PRIM2: variants seen among roughly 807,000 people sequenced by gnomAD.
PRIM2 encodes DNA primase subunit 2.
PRIM2 carries 39 observed loss-of-function variants against 67.3 expected under a neutral mutation model. The ratio of observed to expected loss-of-function variants is 0.58; its 90% confidence interval spans 0.45 to 0.76. The LOEUF (loss-of-function observed/expected upper bound fraction) is 0.76. Among genes scored for constraint, PRIM2 ranks in the 30% least tolerant of loss-of-function variants. The pLI, the probability that PRIM2 is intolerant of heterozygous loss-of-function variation, is 0.00. For synonymous variants in PRIM2, 143 were observed against 198.7 expected, an observed-to-expected ratio of 0.72 and a Z score of 2.36; for missense variants, 398 against 598.7, an observed-to-expected ratio of 0.66 and a Z score of 3.50.
At chr6:57,511,195 G>A (rs1774359181) in intron 8 of PRIM2, among the ~76,000 whole-genome samples, 1 of 151,770 alleles carries the variant, frequency 6.6e-6, no homozygotes, top group Non-Finnish European at 1.5e-5. Flanking sequence ...CTAGAATATC[G>A]CTTAACAATA....
At chr6:57,292,532 T>C in the PRIM2 span, among the ~76,000 whole-genome samples, 1 of 152,198 alleles carries the variant, frequency 6.6e-6, no homozygotes, top group Admixed American at 6.5e-5. Context: ...AGAGCCCACA[T>C]AGCCAAGACA....
intron 7 of PRIM2, among the ~76,000 whole-genome samples, chr6:57,398,927 T>G (rs1770614674): frequency 6.6e-6 from 1 of 152,156 alleles, no homozygotes. Flanking sequence ...TTTTATCTTT[T>G]GTTTTGTTTG....
intron 12 of PRIM2, among the ~76,000 whole-genome samples, chr6:57,615,809 G>A (rs1325467706): frequency 2.6e-5 from 4 of 152,126 alleles, no homozygotes; most frequent in Non-Finnish European, 5.9e-5. Context: ...CAGGAAGCTC[G>A]CTTGAGCCTA....
At position 57,345,505 on chromosome 6, in the gene PRIM2, T is replaced by C. The variant is rs2024225; in HGVS notation, c.459+19460T>C. 2.1e-3 allele frequency among the ~76,000 whole-genome samples: 170 copies of C among 80,126 alleles called. 2 individuals carry two copies. The highest frequency in any genetic ancestry group is 8.1e-3 in the African/African-American group (136 of 16,868). 52.6% of individuals were successfully genotyped at this position (80,126 alleles called of 152,430 possible). A position where few individuals can be genotyped will look rare whatever the true frequency, so the allele number is the denominator to read the frequency against. On this transcript the variant is annotated intron_variant, in intron 5 of 13. Coordinates refer to ENST00000615550, the MANE Select transcript of PRIM2 (RefSeq NM_000947.5). The stretch of plus-strand genomic sequence containing the variant: ...GTGTGTGTGTGTGTGTGTGTGTGTG[T>C]GTACATACATATATATTTATATCCT...
At chr6:57,290,021 G>A in the PRIM2 span, among the ~76,000 whole-genome samples, 2 of 151,448 alleles carry the variant, frequency 1.3e-5, no homozygotes, top group African/African-American at 4.9e-5. Flanking sequence ...AAACTAAATT[G>A]TCAAGACCCA....
chr6:57,428,833 C>T (rs1467170856), intron 7 of PRIM2, among the ~76,000 whole-genome samples: 2 of 152,098 alleles, frequency 1.3e-5, no homozygotes, highest in Non-Finnish European at 2.9e-5. Flanking sequence ...CTTATATAAC[C>T]ATAGTGTTAG....
the PRIM2 span, among the ~76,000 whole-genome samples, chr6:57,236,463 C>T: frequency 2.6e-5 from 4 of 152,012 alleles, no homozygotes; most frequent in South Asian, 2.1e-4. Flanking sequence ...ATGTGCACAA[C>T]GTGCAGGTTT....
the PRIM2 span, among the ~76,000 whole-genome samples, chr6:57,222,983 C>T: frequency 6.6e-6 from 1 of 152,138 alleles, no homozygotes; most frequent in Non-Finnish European, 1.5e-5. Context: ...GGTGCACGGA[C>T]AGGCAGGTAT....
Position 57,364,845 on chromosome 6 carries a change from A to G in PRIM2, c.460-15056A>G, listed in dbSNP as rs574931939. On this transcript the variant is annotated intron_variant, in intron 5 of 13. Transcript: ENST00000615550. ...ATTTGGCCAACAAGTTCCCTTTTAA[A>G]CTAAATATTAGTTTAACAGTATTTT... Among the ~76,000 whole-genome samples, 276 of 152,246 alleles carry G rather than the reference A, an allele frequency of 1.8e-3. 3 individuals are homozygous for G. The highest frequency in any genetic ancestry group is 6.2e-3 in the African/African-American group (258 of 41,538).
intron 8 of PRIM2, among the ~76,000 whole-genome samples, chr6:57,510,012 A>T (rs1774331836): frequency 1.3e-5 from 2 of 151,806 alleles, no homozygotes; most frequent in South Asian, 4.1e-4. Context: ...ACCTCTTCTG[A>T]TAAGTTTTCC....
chr6:57,604,611 T>A (rs1274712314), intron 11 of PRIM2, among the ~76,000 whole-genome samples: 2 of 152,068 alleles, frequency 1.3e-5, no homozygotes, highest in Non-Finnish European at 2.9e-5. Context: ...TTCTCTTAGA[T>A]AGTTCTTATT....
chr6:57,554,865 G>A (rs1174429553), intron 10 of PRIM2, among the ~76,000 whole-genome samples: 22 of 152,250 alleles, frequency 1.4e-4, no homozygotes, highest in African/African-American at 4.6e-4. Context: ...ATGTGTTTTC[G>A]TTCTTTCAGG....
intron 5 of PRIM2, among the ~76,000 whole-genome samples, chr6:57,356,729 A>G (rs891191901): frequency 1.1e-4 from 17 of 152,060 alleles, no homozygotes; most frequent in African/African-American, 3.4e-4. Flanking sequence ...GGTTCCTTTA[A>G]ATTTAGTTAT....
At chr6:57,329,719 A>G (rs1335582348) in intron 5 of PRIM2, among the ~76,000 whole-genome samples, 1 of 152,180 alleles carries the variant, frequency 6.6e-6, no homozygotes, top group African/African-American at 2.4e-5. Context: ...CCAGACACGC[A>G]GAGGGCTCAG....
chr6:57,602,922 G>T (rs1371580334), intron 11 of PRIM2, among the ~76,000 whole-genome samples: 15 of 152,048 alleles, frequency 9.9e-5, no homozygotes, highest in Admixed American at 9.2e-4. Flanking sequence ...ATACCTCCAC[G>T]CCCCAACACA....
At chr6:57,565,016 T>G (rs1164662523) in intron 10 of PRIM2, among the ~76,000 whole-genome samples, 14,522 of 152,150 alleles carry the variant, frequency 0.095, 873 homozygotes, top group African/African-American at 0.16. Flanking sequence ...TAATTTAGAA[T>G]GTGGATTCCT....
intron 10 of PRIM2, among the ~76,000 whole-genome samples, chr6:57,541,633 G>A (rs1289026034): frequency 0.023 from 3,536 of 152,136 alleles, 134 homozygotes; most frequent in African/African-American, 0.08. Context: ...TCTCTGCATT[G>A]TTCAAGGGTC....
At chr6:57,370,731 G>T (rs1769523549) in intron 5 of PRIM2, among the ~76,000 whole-genome samples, 1 of 128,820 alleles carries the variant, frequency 7.8e-6, no homozygotes, top group African/African-American at 2.9e-5. Flanking sequence ...GTCTCACCCT[G>T]CCACCTGCGC....
chr6:57,534,164 T>TC, intron 9 of PRIM2, among the ~76,000 whole-genome samples: 1 of 152,282 alleles, frequency 6.6e-6, no homozygotes, highest in South Asian at 2.1e-4. Context: ...GAGACAACTT[T>TC]CCCCCCGAGT....
Sources: allele counts gnomAD v4.1 joint callset (sites outside exome capture counted in the v4.1 genomes callset), GRCh38; gene constraint gnomAD v4.1.1; transcripts MANE v1.5; gene names NCBI Gene and HGNC (gene_info 2026-07-23, HGNC 2026-07-21).